Variants in CACHD1 observed in about 807,000 individuals in gnomAD.
The protein encoded by CACHD1 is cache domain containing 1.
Under a neutral mutation model 138.7 loss-of-function variants are expected in CACHD1, and 71 were observed. The ratio of observed to expected loss-of-function variants is 0.51; its 90% CI spans 0.42 to 0.62. The LOEUF (loss-of-function observed/expected upper bound fraction) is 0.62. Ranked by LOEUF, CACHD1 falls within the 20% of genes least tolerant of loss-of-function variation. The pLI is 0.00. For synonymous variants in CACHD1, 578 were observed against 591.5 expected, an observed-to-expected ratio of 0.98 and a Z score of 0.33; for missense variants, 1,389 against 1,625.3, an observed-to-expected ratio of 0.85 and a Z score of 2.50.
intron 4 of CACHD1, among the ~76,000 whole-genome samples, chr1:64,623,009 G>A (rs1647970480): frequency 6.6e-6 from 1 of 152,078 alleles, no homozygotes; most frequent in Non-Finnish European, 1.5e-5. Context: ...TCTTAATCAA[G>A]GCAGTGGTGT....
intron 1 of CACHD1, among the ~76,000 whole-genome samples, chr1:64,516,036 T>G (rs527494747): frequency 6.6e-6 from 1 of 152,284 alleles, no homozygotes; most frequent in East Asian, 1.9e-4. Flanking sequence ...CATATATAGG[T>G]TGCAAATATC....
intron 1 of CACHD1, chr1:64,505,863 C>A: frequency 7.0e-6 from 1 of 142,746 alleles, no homozygotes; most frequent in South Asian, 2.1e-4. Context: ...CGCCCCGCCC[C>A]GCCCCGCCCC....
chr1:64,682,175 C>G (rs1570481084), intron 26 of CACHD1, 69 bp downstream of exon 26: 1 of 1,362,136 alleles, frequency 7.3e-7, no homozygotes, highest in East Asian at 2.3e-5. Context: ...GATGCTCACA[C>G]CCTATTTTGA....
chr1:64,670,479 T>A (rs1273033711), intron 16 of CACHD1, among the ~76,000 whole-genome samples: 1 of 152,178 alleles, frequency 6.6e-6, no homozygotes, highest in Non-Finnish European at 1.5e-5. Context: ...CTATGTTGGG[T>A]AAACTGCAAA....
At chr1:64,548,559 G>C (rs368018366) in intron 1 of CACHD1, among the ~76,000 whole-genome samples, 2 of 152,126 alleles carry the variant, frequency 1.3e-5, no homozygotes, top group East Asian at 3.9e-4. Context: ...AGGTCTGTGG[G>C]TTCTTAATCC....
chr1:64,526,931 C>A (rs1055552599), intron 1 of CACHD1, among the ~76,000 whole-genome samples: 4 of 152,176 alleles, frequency 2.6e-5, no homozygotes, highest in Non-Finnish European at 4.4e-5. Context: ...CCATGTGAGC[C>A]ATCTAGCCAG....
chr1:64,656,005 G>C (rs561867499), intron 12 of CACHD1, among the ~76,000 whole-genome samples: 1 of 152,186 alleles, frequency 6.6e-6, no homozygotes, highest in Non-Finnish European at 1.5e-5. Flanking sequence ...ATAGAGCATC[G>C]AGCCTAGTGG....
intron 1 of CACHD1, among the ~76,000 whole-genome samples, chr1:64,471,386 C>T (rs1299720184): frequency 2.6e-5 from 4 of 152,214 alleles, no homozygotes; most frequent in Non-Finnish European, 4.4e-5. Flanking sequence ...TTCCGAAGTC[C>T]CCACCCCACC....
chr1:64,681,220 T>C (rs1245275947), intron 24 of CACHD1, 38 bp from the exon 25 acceptor site: 1 of 1,536,802 alleles, frequency 6.5e-7, no homozygotes. Context: ...TTTTGTTTGA[T>C]TAAATAGTCA....
chr1:64,590,587 A>G (rs1021689762), intron 3 of CACHD1, among the ~76,000 whole-genome samples: 3 of 152,184 alleles, frequency 2.0e-5, no homozygotes, highest in African/African-American at 7.2e-5. Flanking sequence ...TCCTGTACTT[A>G]GCTCTTTAGG....
intron 4 of CACHD1, among the ~76,000 whole-genome samples, chr1:64,609,083 G>T (rs1647436110): frequency 6.6e-6 from 1 of 152,168 alleles, no homozygotes; most frequent in African/African-American, 2.4e-5. Context: ...TATAGGATAG[G>T]ATGTACAGGT....
intron 1 of CACHD1, among the ~76,000 whole-genome samples, chr1:64,474,033 C>T: frequency 6.6e-6 from 1 of 152,182 alleles, no homozygotes; most frequent in South Asian, 2.1e-4. Context: ...CCAGTGGGGG[C>T]TGCCTACTCA....
In CACHD1 at chr1:64,483,379, G is replaced by A. The variant is rs115668467; in HGVS notation, c.198+12437G>A. On this transcript the variant is annotated intron_variant, in intron 1 of 26. Transcript: ENST00000651257. Reference sequence around the variant, plus strand: ...TTATTGAACACAGACTATGTGCCAGGTATTATGCTTGGATTTGAGTTTATG... The same window carrying A: ...TTATTGAACACAGACTATGTGCCAGATATTATGCTTGGATTTGAGTTTATG... 9.0e-3 allele frequency among the ~76,000 whole-genome samples: 1,368 copies of A among 152,228 alleles called. 10 individuals carry two copies. Among genetic ancestry groups the A allele is most frequent in the Middle Eastern group, 0.061 (18 of 294 alleles).
At chr1:64,526,187 T>C (rs1646537263) in intron 1 of CACHD1, among the ~76,000 whole-genome samples, 1 of 152,206 alleles carries the variant, frequency 6.6e-6, no homozygotes, top group Non-Finnish European at 1.5e-5. Flanking sequence ...CTATCAAATA[T>C]GACTGTGTAA....
intron 1 of CACHD1, among the ~76,000 whole-genome samples, chr1:64,479,351 A>G (rs1382747254): frequency 2.0e-5 from 3 of 152,192 alleles, no homozygotes; most frequent in African/African-American, 7.2e-5. Context: ...AGTGTCAGGG[A>G]TGTTAACCTA....
intron 2 of CACHD1, among the ~76,000 whole-genome samples, chr1:64,561,084 A>G: frequency 6.6e-6 from 1 of 151,710 alleles, no homozygotes; most frequent in East Asian, 1.9e-4. Flanking sequence ...GTTTTTTTTT[A>G]AATCTATTCT....
At chr1:64,654,844 G>T (rs765316168) in intron 12 of CACHD1, 41 bp downstream of exon 12, 28 of 1,406,660 alleles carry the variant, frequency 2.0e-5, no homozygotes, top group African/African-American at 5.7e-5. Flanking sequence ...GAGCTACAGG[G>T]TACAGTGCTC....
chr1:64,555,819 T>A (rs1646792880), intron 2 of CACHD1, among the ~76,000 whole-genome samples: 1 of 152,240 alleles, frequency 6.6e-6, no homozygotes, highest in Non-Finnish European at 1.5e-5. Flanking sequence ...TTTCCTTTTC[T>A]TCCCCCATAT....
At chr1:64,681,189 G>A (rs1201787517) in intron 24 of CACHD1, 69 bp from the exon 25 acceptor site, 1 of 1,172,248 alleles carries the variant, frequency 8.5e-7, no homozygotes, top group Non-Finnish European at 1.3e-6. Flanking sequence ...CAAGTGCTCA[G>A]CAGGGTATTA....
Sources: gnomAD v4.1 joint callset for allele counts (sites outside exome capture counted in the v4.1 genomes callset) on GRCh38, gnomAD v4.1.1 for gene constraint, MANE v1.5 for transcripts, NCBI Gene and HGNC (gene_info 2026-07-23, HGNC 2026-07-21) for gene names.